The following PPP2R3A variants were observed in gnomAD, a reference collection of about 807,000 sequenced individuals.
PPP2R3A encodes the protein protein phosphatase 2 regulatory subunit B''alpha, also known as serine/threonine-protein phosphatase 2A regulatory subunit B'' subunit alpha.
PPP2R3A carries 80 observed loss-of-function variants against 106.9 expected under a neutral mutation model. The observed-to-expected ratio is 0.75, with a 90% CI of 0.62 to 0.90. The LOEUF (loss-of-function observed/expected upper bound fraction) is 0.90. PPP2R3A is among the 40% of genes least tolerant of loss of function. PPP2R3A has a pLI of 0.00. For missense variants in PPP2R3A, 1,386 were observed against 1,350.4 expected (o/e 1.03, Z -0.41); for synonymous variants, 483 against 468.3 (o/e 1.03, Z -0.41).
At position 136,002,730 on chromosome 3, in the gene PPP2R3A, T is replaced by G; in HGVS notation, c.1232T>G (p.Leu411Ter). 6.2e-7 allele frequency: 1 copy of G among 1,612,880 alleles called. No homozygotes were observed. The highest frequency in any genetic ancestry group is 2.2e-5 in the East Asian group (1 of 44,864). The part of the protein sequence containing the change: ...NPLENVSSDD[L>*]METLYIEEES... ...TTAGAAAATGTTTCTTCTGACGACTTAATGGAAACTCTTTATATTGAAGAA... is the reference window on the plus strand; with the variant it reads ...TTAGAAAATGTTTCTTCTGACGACTGAATGGAAACTCTTTATATTGAAGAA... The change falls in exon 2 of 14, where the codon TTA (leucine) becomes TGA (stop). Residue 411 changes from leucine to a stop codon, truncating the protein, a stop_gained. Coordinates refer to ENST00000264977, the MANE Select transcript of PPP2R3A (RefSeq NM_002718.5). LOFTEE classifies it high-confidence loss of function.
chr3:135,985,230 T>C (rs911244778), intron 1 of PPP2R3A, among the ~76,000 whole-genome samples: 9 of 152,132 alleles, frequency 5.9e-5, no homozygotes, highest in Admixed American at 2.0e-4. Context: ...ATTAATCTTC[T>C]CTTTGAAAGC....
At chr3:136,131,559 TTGG>T (rs1350283857) in intron 13 of PPP2R3A, among the ~76,000 whole-genome samples, 16 of 152,198 alleles carry the variant, frequency 1.1e-4, no homozygotes, top group Admixed American at 9.2e-4. Flanking sequence ...TTTTACACTG[TTGG>T]TGGGAGTGTA....
intron 1 of PPP2R3A, among the ~76,000 whole-genome samples, chr3:135,976,898 A>G (rs1576405287): frequency 6.6e-6 from 1 of 152,242 alleles, no homozygotes; most frequent in East Asian, 1.9e-4. Context: ...TTCATTTAGA[A>G]TAATAATTTT....
At chr3:136,123,007 C>T (rs1938055897) in intron 13 of PPP2R3A, among the ~76,000 whole-genome samples, 1 of 152,140 alleles carries the variant, frequency 6.6e-6, no homozygotes, top group Non-Finnish European at 1.5e-5. Context: ...AGATAAGTAA[C>T]TCTTTAATGG....
chr3:136,128,698 A>C (rs1938280941), intron 13 of PPP2R3A, among the ~76,000 whole-genome samples: 1 of 152,326 alleles, frequency 6.6e-6, no homozygotes, highest in East Asian at 1.9e-4. Context: ...TCTCCACCCC[A>C]AATCAACAGA....
rs770645565 is a variant in PPP2R3A, at chr3:136,082,376, G to A, written c.2743G>A (p.Asp915Asn). ...CKFWELDTDH[D>N]LYISQADLSR... ...ATTCTGGGAACTAGATACTGATCAC[G>A]ACCTCTACATCAGCCAGGCCGATCT... is the stretch of plus-strand genomic sequence containing the variant. Residue 915 changes from aspartate to asparagine, a missense_variant, in exon 8 of 14, where the codon GAC becomes AAC. Transcript: ENST00000264977. 7.4e-6 allele frequency: 12 copies of A among 1,613,428 alleles called. No individual in the cohort carries two copies. In the East Asian group the frequency reaches 1.6e-4, roughly 21 times the overall value.
At chr3:136,135,488 G>A (rs1389407112) in intron 13 of PPP2R3A, among the ~76,000 whole-genome samples, 12 of 152,144 alleles carry the variant, frequency 7.9e-5, no homozygotes, top group Admixed American at 7.9e-4. Flanking sequence ...ATGTCAGGGA[G>A]AGTCTAATTG....
intron 7 of PPP2R3A, 41 bp from the exon 8 acceptor site, chr3:136,082,224 T>C: frequency 6.6e-7 from 1 of 1,519,338 alleles, no homozygotes; most frequent in Non-Finnish European, 9.1e-7. Context: ...CCAAAGCTGC[T>C]TTTTCATAAT....
intron 7 of PPP2R3A, among the ~76,000 whole-genome samples, chr3:136,080,550 T>C (rs564111420): frequency 1.3e-5 from 2 of 152,318 alleles, no homozygotes; most frequent in East Asian, 1.9e-4. Flanking sequence ...CTTCTAAATA[T>C]GTGCTTTATT....
Position 136,002,310 on chromosome 3 carries a change from T to C in PPP2R3A, c.812T>C (p.Ile271Thr). The C allele has an allele frequency of 6.2e-7, 1 of 1,613,726 alleles. No homozygotes were observed. Among genetic ancestry groups the C allele is most frequent in the Non-Finnish European group, 8.5e-7 (1 of 1,179,696 alleles). ...AGTGAAGGAAGTGGTAATGATACAA[T>C]TTCTAGCTCTGAAACTGTCTATATG... Reference protein sequence around the residue: ...SISEGSGNDTISSSETVYMNV... With the variant: ...SISEGSGNDTTSSSETVYMNV... The change falls in exon 2 of 14, where the codon ATT becomes ACT. Residue 271 changes from isoleucine to threonine, a missense_variant. Physicochemically the swap from Ile to Thr is moderately conservative, Grantham distance 89. Coordinates refer to ENST00000264977, the MANE Select transcript of PPP2R3A (RefSeq NM_002718.5).
At position 136,102,098 on chromosome 3, in the gene PPP2R3A, C is replaced by T. The variant is rs998067225; in HGVS notation, c.3019C>T (p.Arg1007Trp). 1.4e-5 allele frequency: 23 copies of T among 1,613,844 alleles called. No individual in the cohort carries two copies. The highest frequency in any genetic ancestry group is 2.2e-5 in the East Asian group (1 of 44,870). ...LEYFYEEQCERMEAMGIEPLP... is the reference protein window; with the variant it reads ...LEYFYEEQCEWMEAMGIEPLP... Reference sequence around the variant, plus strand: ...GTACTTCTATGAGGAGCAGTGTGAACGGATGGAAGCCATGGGAATTGAGCC... The same window carrying T: ...GTACTTCTATGAGGAGCAGTGTGAATGGATGGAAGCCATGGGAATTGAGCC... The change falls in exon 11 of 14, where the codon CGG (arginine) becomes TGG (tryptophan). Residue 1007 changes from arginine to tryptophan, a missense_variant. Physicochemically the swap from Arg to Trp is moderately radical, Grantham distance 101. Coordinates refer to ENST00000264977, the MANE Select transcript of PPP2R3A (RefSeq NM_002718.5).
intron 5 of PPP2R3A, 102 bp from the exon 6 acceptor site, chr3:136,070,376 A>T (rs984744384): frequency 1.3e-6 from 1 of 798,950 alleles, no homozygotes; most frequent in Non-Finnish European, 1.9e-6. Flanking sequence ...ATTATTGTAA[A>T]ATAGCAAGTT....
intron 1 of PPP2R3A, among the ~76,000 whole-genome samples, chr3:135,972,051 G>A (rs977654840): frequency 6.6e-6 from 1 of 152,096 alleles, no homozygotes; most frequent in African/African-American, 2.4e-5. Context: ...ACAATGTTGT[G>A]CAGCCATCAC....
In PPP2R3A at chr3:136,063,627, G is replaced by A. The variant is rs565778052; in HGVS notation, c.2470-6851G>A. ...CGAAGGATATGAACAGACACTTCTC[G>A]AAAGAAGACATTTATGCAGCCAAAA... On this transcript the variant is annotated intron_variant, in intron 5 of 13. Coordinates refer to ENST00000264977, the MANE Select transcript of PPP2R3A (RefSeq NM_002718.5). Among the ~76,000 whole-genome samples the A allele has an allele frequency of 2.0e-3, 306 of 152,196 alleles. 2 individuals are homozygous for A. Among genetic ancestry groups the A allele is most frequent in the African/African-American group, 6.7e-3 (278 of 41,502 alleles).
chr3:136,090,437 A>G, intron 9 of PPP2R3A, 141 bp from the exon 10 acceptor site: 3 of 597,110 alleles, frequency 5.0e-6, no homozygotes, highest in Non-Finnish European at 8.8e-6. Context: ...TAGGCTGTGG[A>G]AGGGTTGCCC....
intron 1 of PPP2R3A, among the ~76,000 whole-genome samples, chr3:135,978,377 T>C (rs768977247): frequency 1.3e-4 from 19 of 151,800 alleles, no homozygotes; most frequent in Non-Finnish European, 2.5e-4. Flanking sequence ...CTAAAATGAA[T>C]TGTCAATTGA....
intron 13 of PPP2R3A, among the ~76,000 whole-genome samples, chr3:136,115,606 C>T (rs1343747850): frequency 6.6e-6 from 1 of 151,484 alleles, no homozygotes; most frequent in African/African-American, 2.4e-5. Flanking sequence ...GAAGCATATA[C>T]AACTATCAGT....
At chr3:136,007,749 T>C (rs1459123369) in intron 2 of PPP2R3A, among the ~76,000 whole-genome samples, 1 of 152,244 alleles carries the variant, frequency 6.6e-6, no homozygotes, top group Non-Finnish European at 1.5e-5. Flanking sequence ...TTACTTTCTC[T>C]TTAAGGAATA....
At chr3:136,131,910 G>A (rs1406034916) in intron 13 of PPP2R3A, among the ~76,000 whole-genome samples, 4 of 151,152 alleles carry the variant, frequency 2.6e-5, no homozygotes, top group Non-Finnish European at 5.9e-5. Context: ...ACTGCCACAA[G>A]GACAGAAAAC....
Sources: allele counts gnomAD v4.1 joint callset (sites outside exome capture counted in the v4.1 genomes callset), GRCh38; gene constraint gnomAD v4.1.1; transcripts MANE v1.5; gene names NCBI Gene and HGNC (gene_info 2026-07-23, HGNC 2026-07-21).